The following LARGE2 variants were observed in gnomAD, a reference collection of about 807,000 sequenced individuals.
The protein encoded by LARGE2 is LARGE xylosyl- and glucuronyltransferase 2, also known as xylosyl- and glucuronyltransferase LARGE2.
A neutral mutation model predicts 75.3 loss-of-function variants in LARGE2; 63 were observed. That is an observed-to-expected ratio of 0.84 (90% CI 0.68 to 1.03). LARGE2 has a LOEUF of 1.03. LARGE2 is among the 50% of genes least tolerant of loss of function. The pLI, the probability that LARGE2 is intolerant of heterozygous loss-of-function variation, is 0.00. For missense variants in LARGE2, 925 were observed against 980.6 expected (o/e 0.94, Z 0.76); for synonymous variants, 428 against 420.1 (o/e 1.02, Z -0.23).
Position 45,922,748 on chromosome 11 carries a change from G to A in LARGE2, c.-63+20G>A, listed in dbSNP as rs1399569032. The A allele has an allele frequency of 2.8e-5, 19 of 685,854 alleles. No homozygotes were observed. The East Asian group carries it at 6.9e-4, about 25-fold the overall frequency. The allele number at this position is 685,854 out of a possible 1,614,324, so 42.5% of individuals were successfully genotyped here. A position where few individuals can be genotyped will look rare whatever the true frequency, so the allele number is the denominator to read the frequency against. The stretch of plus-strand genomic sequence containing the variant: ...GAGCAGGTGAGGGAGGTGGCTCGGC[G>A]CGAGCCGCACAACCCGGCCGTCGGG... On this transcript the variant is annotated intron_variant, in intron 1 of 13. Transcript: ENST00000401752.
intron 2 of LARGE2, 74 bp downstream of exon 2, chr11:45,923,241 G>T: frequency 1.5e-6 from 2 of 1,306,028 alleles, no homozygotes; most frequent in East Asian, 6.1e-5. Context: ...GACATCTGCG[G>T]GAATCACAGT....
At position 45,925,758 on chromosome 11, in the gene LARGE2, G is replaced by A. The variant is rs183285131; in HGVS notation, c.770-281G>A. ...GCTACTCGGTGGGGGTTGTGGTGGG[G>A]TGCTGAGGTGGGAGGTTTGCTTGAG... is the stretch of plus-strand genomic sequence containing the variant. On this transcript the variant is annotated intron_variant, in intron 6 of 13. Transcript: ENST00000401752. Among the ~76,000 whole-genome samples, 268 of 152,202 alleles carry A rather than the reference G, an allele frequency of 1.8e-3. 1 individual carries two copies. Among genetic ancestry groups the A allele is most frequent in the African/African-American group, 6.2e-3 (258 of 41,520 alleles).
intron 6 of LARGE2, among the ~76,000 whole-genome samples, chr11:45,925,320 A>G (rs897545856): frequency 6.6e-6 from 1 of 152,200 alleles, no homozygotes; most frequent in African/African-American, 2.4e-5. Flanking sequence ...CAGGAGTTCG[A>G]GAACAGCCTT....
rs546906206 is a variant in LARGE2, at chr11:45,929,081, A to G, written c.*236A>G. 135 of 591,320 alleles carry G rather than the reference A, an allele frequency of 2.3e-4. 1 individual carries two copies. Among genetic ancestry groups the G allele is most frequent in the Admixed American group, 9.1e-4 (30 of 33,120 alleles). 36.6% of individuals were successfully genotyped at this position (591,320 alleles called of 1,614,324 possible). A position where few individuals can be genotyped will look rare whatever the true frequency, so the allele number is the denominator to read the frequency against. ...AATTGTTTATCCCTTTTTCATAATT[A>G]AAGTTTTAAAACATCTTTTTTGTGT... On this transcript the variant is annotated 3_prime_UTR_variant, in exon 14 of 14. Coordinates refer to ENST00000401752, the MANE Select transcript of LARGE2 (RefSeq NM_001300721.2).
Position 45,922,825 on chromosome 11 carries a change from T to A in LARGE2, c.-58T>A. Reference sequence around the variant, plus strand: ...ATCTCGCCCCTCGGTCCGCAGGGCCTGCGATGGAGCCTGCAGCCCCGGGTC... The same window carrying A: ...ATCTCGCCCCTCGGTCCGCAGGGCCAGCGATGGAGCCTGCAGCCCCGGGTC... On this transcript the variant is annotated 5_prime_UTR_variant, in exon 2 of 14. Transcript: ENST00000401752. 8.2e-7 allele frequency: 1 copy of A among 1,213,164 alleles called. No individual in the cohort carries two copies. Among genetic ancestry groups the A allele is most frequent in the East Asian group, 3.2e-5 (1 of 30,934 alleles). The allele number at this position is 1,213,164 out of a possible 1,614,324, so 75.1% of individuals were successfully genotyped here.
At chr11:45,923,670 C>A in intron 3 of LARGE2, 115 bp downstream of exon 3, 1 of 921,054 alleles carries the variant, frequency 1.1e-6, no homozygotes, top group South Asian at 1.5e-5. Flanking sequence ...ACAGTGTCCC[C>A]TTCCTCCCTT....
At chr11:45,921,653 G>C (rs529048381), upstream of LARGE2, 1 of 152,386 alleles carries the variant, frequency 6.6e-6, no homozygotes, top group East Asian at 1.9e-4. Context: ...ATGAGTGCTA[G>C]CCAGCCCTGG....
rs372916620 is a variant in LARGE2 at position 45,926,290 on chromosome 11, G to A, written c.951G>A (p.Val317=). 16 of 1,614,106 alleles carry A rather than the reference G, an allele frequency of 9.9e-6. No individual in the cohort carries two copies. Among genetic ancestry groups the A allele is most frequent in the Non-Finnish European group, 1.3e-5 (15 of 1,180,052 alleles). The part of the protein sequence containing the change: ...LVQRLPCVWN[V]QLSDHTLAER... ...AGCGTCTGCCTTGTGTCTGGAATGT[G>A]CAGCTGTCAGATCACACACTGGCCG... The change falls in exon 8 of 14, where the codon GTG becomes GTA. Residue 317 remains valine (V), a synonymous_variant. Transcript: ENST00000401752.
At position 45,924,154 on chromosome 11, in the gene LARGE2, G is replaced by T. The variant is rs1317141383; in HGVS notation, c.369G>T (p.Arg123Ser). The T allele has an allele frequency of 6.2e-7, 1 of 1,610,200 alleles. No individual in the cohort carries two copies. Residue 123 changes from arginine (R) to serine (S), a missense_variant and splice_region_variant, in exon 4 of 14, where the codon AGG becomes AGT. Physicochemically the swap from Arg to Ser is moderately radical, Grantham distance 110. This residue lies in a region of LARGE2 where 453 missense variants were observed against 460.2 expected (regional missense o/e 0.98). Transcript: ENST00000401752. The stretch of plus-strand genomic sequence containing the variant: ...GGCTTCCTCTTTGCCCACCCAAAAG[G>T]AAAAATCCACTGCACCTCCACTTGG... ...ITLVKSMLFYRKNPLHLHLVT... is the reference protein window; with the variant it reads ...ITLVKSMLFYSKNPLHLHLVT...
In LARGE2 at chr11:45,923,030, G is replaced by T; in HGVS notation, c.148G>T (p.Gly50Cys). ...GRAGAPGCFPGPLMPRVPPDG... is the reference protein window; with the variant it reads ...GRAGAPGCFPCPLMPRVPPDG... ...AGCGGGGGCCCCGGGATGCTTCCCC[G>T]GCCCGCTCATGCCACGTGTCCCCCC... The change falls in exon 2 of 14, where the codon GGC (glycine) becomes TGC (cysteine). Residue 50 changes from glycine to cysteine, a missense_variant. Physicochemically the swap from Gly to Cys is radical, Grantham distance 159 (BLOSUM62 -3). Coordinates refer to ENST00000401752, the MANE Select transcript of LARGE2 (RefSeq NM_001300721.2). 1 of 1,399,360 alleles carries T rather than the reference G, an allele frequency of 7.1e-7. No homozygotes were observed. Among genetic ancestry groups the T allele is most frequent in the Non-Finnish European group, 9.3e-7 (1 of 1,079,582 alleles). The allele number at this position is 1,399,360 out of a possible 1,614,324, so 86.7% of individuals were successfully genotyped here.
intron 13 of LARGE2, 67 bp downstream of exon 13, chr11:45,928,439 A>G: frequency 6.4e-7 from 1 of 1,566,012 alleles, no homozygotes; most frequent in Non-Finnish European, 8.7e-7. Context: ...AACTCACGAC[A>G]CCTGCATGGG....
Position 45,928,732 on chromosome 11 carries a change from T to A in LARGE2, c.2053T>A (p.Cys685Ser), listed in dbSNP as rs1382004567. 1 of 1,614,120 alleles carries A rather than the reference T, an allele frequency of 6.2e-7. No homozygotes were observed. The highest frequency in any genetic ancestry group is 8.5e-7 in the Non-Finnish European group (1 of 1,180,018). Residue 685 changes from cysteine (C) to serine (S), a missense_variant, in exon 14 of 14, where the codon TGC becomes AGC. Coordinates refer to ENST00000401752, the MANE Select transcript of LARGE2 (RefSeq NM_001300721.2). The stretch of plus-strand genomic sequence containing the variant: ...CCGCTCCAGCCCCACCTATCGTGAC[T>A]GCCTCCAGGCCCTCAAGGACGAATT... ...RFRSSPTYRD[C>S]LQALKDEFHQ...
At chr11:45,927,839 T>C in intron 11 of LARGE2, 81 bp from the exon 12 acceptor site, 1 of 1,594,022 alleles carries the variant, frequency 6.3e-7, no homozygotes, top group Non-Finnish European at 8.6e-7. Context: ...TCTAGTCCTG[T>C]GGCTAATGCC....
chr11:45,928,580 C>T lies in LARGE2; in HGVS notation c.1951-50C>T, dbSNP rs750934776. On this transcript the variant is annotated intron_variant, in intron 13 of 13. Coordinates refer to ENST00000401752, the MANE Select transcript of LARGE2 (RefSeq NM_001300721.2). ...CTGTTCTCTGGAGCTGCACCTTCCC[C>T]GCAGGCCAGGCAAGCCAGGCAGCCA... 140 of 1,589,518 alleles carry T rather than the reference C, an allele frequency of 8.8e-5. No homozygotes were observed. The East Asian group carries it at 2.6e-3, about 29-fold the overall frequency.
Position 45,924,285 on chromosome 11 carries a change from C to T in LARGE2, c.492+8C>T, listed in dbSNP as rs1590807367. ...CATGCCGACCAGCTCAAGGCAGGGG[C>T]CCAGCCCTTCCCCCCTCCCCTCAGC... is the stretch of plus-strand genomic sequence containing the variant. On this transcript the variant is annotated splice_region_variant and intron_variant, in intron 4 of 13. Coordinates refer to ENST00000401752, the MANE Select transcript of LARGE2 (RefSeq NM_001300721.2). 1 of 1,612,322 alleles carries T rather than the reference C, an allele frequency of 6.2e-7. No homozygotes were observed. Among genetic ancestry groups the T allele is most frequent in the African/African-American group, 1.3e-5 (1 of 75,030 alleles).
In LARGE2 at chr11:45,924,497, C is replaced by T. The variant is rs1391970992; in HGVS notation, c.493-9C>T. On this transcript the variant is annotated splice_polypyrimidine_tract_variant and intron_variant, in intron 4 of 13. Transcript: ENST00000401752. ...CTGCCATCTCATCTCCTGCCTTTCC[C>T]CCACACAGCCCCAGGTCTCCTGGAT... The T allele has an allele frequency of 1.9e-6, 3 of 1,609,446 alleles. No individual in the cohort carries two copies. Among genetic ancestry groups the T allele is most frequent in the African/African-American group, 2.7e-5 (2 of 74,972 alleles).
rs778492429 is a variant in LARGE2 at position 45,924,495 on chromosome 11, C to T, written c.493-11C>T. ...CTCTGCCATCTCATCTCCTGCCTTT[C>T]CCCCACACAGCCCCAGGTCTCCTGG... On this transcript the variant is annotated splice_polypyrimidine_tract_variant and intron_variant, in intron 4 of 13. Transcript: ENST00000401752. The T allele has an allele frequency of 5.6e-6, 9 of 1,608,988 alleles. No individual in the cohort carries two copies. Among genetic ancestry groups the T allele is most frequent in the South Asian group, 5.5e-5 (5 of 90,804 alleles).
Position 45,927,822 on chromosome 11 carries a change from A to G in LARGE2, c.1605-98A>G, listed in dbSNP as rs79029203. 231 of 1,571,416 alleles carry G rather than the reference A, an allele frequency of 1.5e-4. No individual in the cohort carries two copies. In the African/African-American group the frequency reaches 2.9e-3, roughly 20 times the overall value. ...CCCGTCGCATCAGGCAAGATGGCCC[A>G]TGGTGGTCTAGTCCTGTGGCTAATG... On this transcript the variant is annotated intron_variant, in intron 11 of 13. Coordinates refer to ENST00000401752, the MANE Select transcript of LARGE2 (RefSeq NM_001300721.2).
chr11:45,921,975 G>T (rs2086936904), upstream of LARGE2, among the ~76,000 whole-genome samples: 1 of 152,118 alleles, frequency 6.6e-6, no homozygotes. Context: ...CGGGGGAGAG[G>T]GAGGAAAGAC....
Sources: allele counts gnomAD v4.1 joint callset (sites outside exome capture counted in the v4.1 genomes callset), GRCh38; gene constraint gnomAD v4.1.1; regional missense constraint gnomAD v4.1.1; transcripts MANE v1.5; gene names NCBI Gene and HGNC (gene_info 2026-07-23, HGNC 2026-07-21).